Variants in SYS1 observed in about 807,000 individuals in gnomAD.
SYS1 encodes protein SYS1 homolog.
Under a neutral mutation model 17.8 loss-of-function variants are expected in SYS1, and 8 were observed. The ratio of observed to expected loss-of-function variants is 0.45; its 90% CI spans 0.26 to 0.81. SYS1 has a LOEUF of 0.81. Among genes scored for constraint, SYS1 ranks in the 40% least tolerant of loss-of-function variants. The probability of loss-of-function intolerance (pLI) is 0.16; values close to 1 mark genes in which losing one functional copy is unlikely to be tolerated. For missense variants in SYS1, 161 were observed against 203.9 expected, an observed-to-expected ratio of 0.79 and a Z score of 1.28; for synonymous variants, 95 against 90.9, an observed-to-expected ratio of 1.05 and a Z score of -0.26.
chr20:45,362,162 T>C (rs1988242566), upstream of SYS1: 2 of 361,164 alleles, frequency 5.5e-6, no homozygotes, highest in South Asian at 2.2e-4. Context: ...TTTACTCCTA[T>C]GTGCGACTTC....
At chr20:45,372,170 T>C (rs1423744032), downstream of SYS1, among the ~76,000 whole-genome samples, 2 of 152,176 alleles carry the variant, frequency 1.3e-5, no homozygotes, top group African/African-American at 4.8e-5. Context: ...GGTTGTGGAA[T>C]TGTGGGAGGC....
chr20:45,375,474 C>G (rs761223142), exon 4 of SYS1: 18 of 1,613,770 alleles, frequency 1.1e-5, no homozygotes, highest in Non-Finnish European at 1.5e-5. Flanking sequence ...ATTTCTTGGA[C>G]TTGAGTTCCT....
downstream of SYS1, chr20:45,369,334 A>T (rs1600750487): frequency 6.6e-6 from 1 of 152,282 alleles, no homozygotes; most frequent in East Asian, 1.9e-4. Flanking sequence ...GAACTTACCC[A>T]AGGTGACTTT....
upstream of SYS1, chr20:45,362,997 G>T: frequency 1.6e-6 from 1 of 632,218 alleles, no homozygotes; most frequent in Non-Finnish European, 2.0e-6. Flanking sequence ...TGCGGCCTTC[G>T]TTCCTCTCTT....
At position 45,366,948 on chromosome 20, in the gene SYS1, C is replaced by A; in HGVS notation, c.304C>A (p.His102Asn). The A allele has an allele frequency of 6.2e-7, 1 of 1,614,186 alleles. No homozygotes were observed. Among genetic ancestry groups the A allele is most frequent in the Non-Finnish European group, 8.5e-7 (1 of 1,180,026 alleles). Residue 102 changes from histidine (H) to asparagine (N), a missense_variant, in exon 4 of 4, where the codon CAC (histidine) becomes AAC (asparagine). Physicochemically the swap from His to Asn is moderately conservative, Grantham distance 68. Coordinates refer to ENST00000243918, the MANE Select transcript of SYS1 (RefSeq NM_033542.4). The stretch of plus-strand genomic sequence containing the variant: ...TTTCACTGTCACTGTCCATTTCTTT[C>A]ACCTCCTGGGCTGCTGGTTCTACAG... ...LDFTVTVHFF[H>N]LLGCWFYSSR...
rs753654061 is a variant in SYS1, at chr20:45,363,517, G to C, written c.-3-12G>C. The C allele has an allele frequency of 2.5e-6, 4 of 1,585,366 alleles. No homozygotes were observed. The highest frequency in any genetic ancestry group is 1.1e-5 in the South Asian group (1 of 87,592). On this transcript the variant is annotated splice_polypyrimidine_tract_variant and intron_variant, in intron 1 of 3. Coordinates refer to ENST00000243918, the MANE Select transcript of SYS1 (RefSeq NM_033542.4). ...CAGGCCGCTGGCTGAGGCCCGGCTC[G>C]TGTCCCTGCAGGGCATGGCGGGTCA...
exon 4 of SYS1, chr20:45,375,708 G>A: frequency 5.6e-6 from 5 of 900,026 alleles, no homozygotes; most frequent in South Asian, 5.1e-5. Context: ...GCTGGTGTGA[G>A]GAGGTGTGAT....
At chr20:45,363,498 G>A (rs2272806) in intron 1 of SYS1, 31 bp from the exon 2 acceptor site, 5 of 1,564,126 alleles carry the variant, frequency 3.2e-6, no homozygotes, top group Non-Finnish European at 4.3e-6. Context: ...GAGACAGGCC[G>A]CTGGCTGAGG....
intron 3 of SYS1, 171 bp downstream of exon 3, chr20:45,365,857 G>C (rs1416845299): frequency 1.5e-6 from 1 of 678,736 alleles, no homozygotes; most frequent in Non-Finnish European, 2.6e-6. Context: ...TTCCATTGCT[G>C]TTTTGACTTA....
downstream of SYS1, chr20:45,374,095 G>A: frequency 7.8e-7 from 1 of 1,280,396 alleles, no homozygotes; most frequent in Non-Finnish European, 1.1e-6. Context: ...AGGGACAAGG[G>A]TGCTGTGGTG....
Position 45,363,696 on chromosome 20 carries a change from A to C in SYS1, c.162+3A>C. 6.4e-7 allele frequency: 1 copy of C among 1,559,976 alleles called. No homozygotes were observed. The highest frequency in any genetic ancestry group is 1.4e-5 in the African/African-American group (1 of 73,726). Reference sequence around the variant, plus strand: ...TGGACCAGATGTTCGACGCCGAGGTAGGGTCCCCGGACTGGGGCGGGTGGG... The same window carrying C: ...TGGACCAGATGTTCGACGCCGAGGTCGGGTCCCCGGACTGGGGCGGGTGGG... On this transcript the variant is annotated splice_donor_region_variant and intron_variant, in intron 2 of 3. Coordinates refer to ENST00000243918, the MANE Select transcript of SYS1 (RefSeq NM_033542.4).
At chr20:45,371,217 A>G (rs2145360627), downstream of SYS1, among the ~76,000 whole-genome samples, 1 of 152,256 alleles carries the variant, frequency 6.6e-6, no homozygotes, top group South Asian at 2.1e-4. Flanking sequence ...TAAAATGGAA[A>G]AAGTGTTCCC....
At chr20:45,372,675 G>A (rs2249094), downstream of SYS1, 15,083 of 152,310 alleles carry the variant, frequency 0.099, 1,026 homozygotes, top group South Asian at 0.27. Flanking sequence ...AAGCTGGGTG[G>A]GAAGACCGCT....
chr20:45,374,306 T>G (rs1282659113), exon 4 of SYS1: 2 of 696,530 alleles, frequency 2.9e-6, no homozygotes, highest in Non-Finnish European at 5.2e-6. Context: ...AGGGTCTTGC[T>G]CTCTTGCCCA....
upstream of SYS1, chr20:45,362,882 G>C (rs1260700352): frequency 2.0e-5 from 3 of 152,440 alleles, no homozygotes; most frequent in Non-Finnish European, 4.4e-5. Context: ...TTATCACCTC[G>C]TTAATTCCCA....
chr20:45,371,307 C>T (rs1988556729), downstream of SYS1, among the ~76,000 whole-genome samples: 2 of 152,348 alleles, frequency 1.3e-5, no homozygotes, highest in South Asian at 4.1e-4. Flanking sequence ...AGGAAGTGAT[C>T]CATAATTCTA....
intron 3 of SYS1, among the ~76,000 whole-genome samples, chr20:45,366,405 T>C (rs1291241415): frequency 1.3e-5 from 2 of 152,202 alleles, no homozygotes; most frequent in Admixed American, 1.3e-4. Context: ...TCCAGATAGG[T>C]TCTATTTGGC....
At chr20:45,374,089 A>G, downstream of SYS1, 1 of 1,363,816 alleles carries the variant, frequency 7.3e-7, no homozygotes, top group Admixed American at 1.7e-5. Context: ...GGGCGCAGGG[A>G]CAAGGGTGCT....
At position 45,367,064 on chromosome 20, in the gene SYS1, G is replaced by C; in HGVS notation, c.420G>C (p.Arg140=). The C allele has an allele frequency of 6.8e-6, 11 of 1,614,146 alleles. No individual in the cohort carries two copies. Among genetic ancestry groups the C allele is most frequent in the Non-Finnish European group, 9.3e-6 (11 of 1,180,034 alleles). ...MAVIGEYLCM[R]TELKEIPLNS... ...TCATCGGGGAGTACCTGTGCATGCG[G>C]ACGGAGCTCAAGGAGATACCCCTCA... The change falls in exon 4 of 4, where the codon CGG becomes CGC. Residue 140 remains arginine, a synonymous_variant. Transcript: ENST00000243918.
Sources: gnomAD v4.1 joint callset for allele counts (sites outside exome capture counted in the v4.1 genomes callset) on GRCh38, gnomAD v4.1.1 for gene constraint, MANE v1.5 for transcripts, NCBI Gene and HGNC (gene_info 2026-07-23, HGNC 2026-07-21) for gene names.